The following FSTL5 variants were observed in gnomAD, a reference collection of about 807,000 sequenced individuals.
FSTL5 encodes follistatin like 5.
FSTL5 carries 62 observed loss-of-function variants against 89.1 expected under a neutral mutation model. That is an observed-to-expected ratio of 0.70 (90% CI 0.57 to 0.86). The LOEUF (loss-of-function observed/expected upper bound fraction) is 0.86. Among genes scored for constraint, FSTL5 ranks in the 40% least tolerant of loss-of-function variants. The pLI is 0.00. For missense variants in FSTL5, 1,057 were observed against 1,001.6 expected (o/e 1.06, Z -0.75); for synonymous variants, 383 against 346.2 (o/e 1.11, Z -1.18).
At chr4:161,551,427 G>A (rs1732208546) in intron 8 of FSTL5, among the ~76,000 whole-genome samples, 1 of 151,248 alleles carries the variant, frequency 6.6e-6, no homozygotes, top group Admixed American at 6.6e-5. Flanking sequence ...TTTTTGATGG[G>A]GTTGTTTGTT....
chr4:161,917,870 T>G (rs1229594236), intron 4 of FSTL5, among the ~76,000 whole-genome samples: 1 of 152,192 alleles, frequency 6.6e-6, no homozygotes, highest in Non-Finnish European at 1.5e-5. Flanking sequence ...AAAAATAGAT[T>G]GTGACCTGGA....
intron 6 of FSTL5, among the ~76,000 whole-genome samples, chr4:161,705,952 GTATATATA>G (rs1206067350): frequency 1.3e-4 from 4 of 30,672 alleles, no homozygotes; most frequent in African/African-American, 5.9e-4. Context: ...GTAGATGTGT[GTATATATA>G]TATATATATA....
At chr4:161,900,249 A>C (rs1307081674) in intron 4 of FSTL5, among the ~76,000 whole-genome samples, 1 of 152,094 alleles carries the variant, frequency 6.6e-6, no homozygotes, top group Non-Finnish European at 1.5e-5. Context: ...CTGAACAAGC[A>C]TGTAATGCTG....
At position 161,530,529 on chromosome 4, in the gene FSTL5, C is replaced by T. The variant is rs183956956; in HGVS notation, c.1312+7637G>A. Reference sequence around the variant, plus strand: ...TCAAAATATTAATTTTTTAGAAATACAGCCAACTAATGTTAATTTATTGGA... The same window carrying T: ...TCAAAATATTAATTTTTTAGAAATATAGCCAACTAATGTTAATTTATTGGA... On this transcript the variant is annotated intron_variant, in intron 10 of 15. Transcript: ENST00000306100. Among the ~76,000 whole-genome samples, 166 of 151,826 alleles carry T rather than the reference C, an allele frequency of 1.1e-3. 7 individuals are homozygous for T. Among genetic ancestry groups the T allele is most frequent in the African/African-American group, 3.8e-3 (159 of 41,472 alleles).
chr4:162,114,781 C>T (rs1474672756), intron 1 of FSTL5, among the ~76,000 whole-genome samples: 1 of 152,060 alleles, frequency 6.6e-6, no homozygotes, highest in Non-Finnish European at 1.5e-5. Context: ...ACAAATAAGT[C>T]AGTGTGTAAA....
intron 3 of FSTL5, among the ~76,000 whole-genome samples, chr4:161,967,787 G>T (rs1296508812): frequency 1.3e-5 from 2 of 151,820 alleles, no homozygotes; most frequent in Non-Finnish European, 2.9e-5. Context: ...TAAAATAAAA[G>T]TTCACATATT....
At chr4:162,005,552 CAG>C (rs1284577848) in intron 3 of FSTL5, among the ~76,000 whole-genome samples, 2 of 151,990 alleles carry the variant, frequency 1.3e-5, no homozygotes, top group Non-Finnish European at 2.9e-5. Flanking sequence ...CAAGAAAATT[CAG>C]AGTTGGAGAG....
At chr4:161,909,190 T>C (rs1733621892) in intron 4 of FSTL5, among the ~76,000 whole-genome samples, 1 of 152,110 alleles carries the variant, frequency 6.6e-6, no homozygotes, top group African/African-American at 2.4e-5. Flanking sequence ...GGAGTCCATT[T>C]TGGTCCATAC....
At chr4:161,704,709 T>C (rs1358627080) in intron 6 of FSTL5, among the ~76,000 whole-genome samples, 1 of 152,124 alleles carries the variant, frequency 6.6e-6, no homozygotes, top group Non-Finnish European at 1.5e-5. Context: ...CTAAGCAGTT[T>C]AAAGATTAAA....
chr4:161,945,201 CAAATACTACTTATACT>C (rs1245485215), intron 3 of FSTL5, among the ~76,000 whole-genome samples: 2 of 151,960 alleles, frequency 1.3e-5, no homozygotes, highest in East Asian at 3.9e-4. Flanking sequence ...ACTGCCCAGA[CAAATACTACTTATACT>C]AAATTTCAGG....
At chr4:161,566,332 C>A (rs562592902) in intron 8 of FSTL5, among the ~76,000 whole-genome samples, 1 of 151,224 alleles carries the variant, frequency 6.6e-6, no homozygotes, top group Non-Finnish European at 1.5e-5. Context: ...GTATATGTAC[C>A]GCATTTTCTT....
intron 2 of FSTL5, among the ~76,000 whole-genome samples, chr4:162,103,814 C>T (rs1022413934): frequency 6.6e-6 from 1 of 152,120 alleles, no homozygotes; most frequent in African/African-American, 2.4e-5. Flanking sequence ...AGCTCACACC[C>T]GACCAATCAG....
chr4:162,105,444 C>T (rs1731186701), intron 2 of FSTL5, among the ~76,000 whole-genome samples: 3 of 152,012 alleles, frequency 2.0e-5, no homozygotes, highest in Admixed American at 2.0e-4. Flanking sequence ...TTCATTTTTC[C>T]CATTTATAAA....
At chr4:162,058,943 GA>G (rs1295575671) in intron 2 of FSTL5, among the ~76,000 whole-genome samples, 1 of 152,026 alleles carries the variant, frequency 6.6e-6, no homozygotes, top group African/African-American at 2.4e-5. Flanking sequence ...TAATTGTATT[GA>G]AAATGTGAAT....
intron 1 of FSTL5, among the ~76,000 whole-genome samples, chr4:162,130,816 G>A (rs931740770): frequency 6.6e-6 from 1 of 152,124 alleles, no homozygotes; most frequent in Admixed American, 6.5e-5. Context: ...TATTCATGAT[G>A]ACCAAAAATC....
At chr4:161,665,485 G>A (rs909085995) in intron 6 of FSTL5, among the ~76,000 whole-genome samples, 7 of 151,972 alleles carry the variant, frequency 4.6e-5, no homozygotes, top group Non-Finnish European at 5.9e-5. Context: ...TCCCCGCCTC[G>A]GCCTCCCAAA....
chr4:161,393,008 A>G (rs561610530), intron 15 of FSTL5, among the ~76,000 whole-genome samples: 4 of 152,114 alleles, frequency 2.6e-5, no homozygotes, highest in Admixed American at 6.5e-5. Flanking sequence ...TATTAAATAT[A>G]CAAAAATTAG....
At chr4:162,016,826 A>C (rs1030175213) in intron 3 of FSTL5, among the ~76,000 whole-genome samples, 1 of 152,166 alleles carries the variant, frequency 6.6e-6, no homozygotes, top group Admixed American at 6.5e-5. Context: ...ATAGATTGTC[A>C]AATTTGGAGG....
At chr4:162,106,117 C>A (rs1253911937) in intron 2 of FSTL5, among the ~76,000 whole-genome samples, 1 of 152,110 alleles carries the variant, frequency 6.6e-6, no homozygotes, top group Non-Finnish European at 1.5e-5. Flanking sequence ...TAAATAGCAA[C>A]CCTCTTAGGA....
Sources: gnomAD v4.1 joint callset for allele counts (sites outside exome capture counted in the v4.1 genomes callset) on GRCh38, gnomAD v4.1.1 for gene constraint, MANE v1.5 for transcripts, NCBI Gene and HGNC (gene_info 2026-07-23, HGNC 2026-07-21) for gene names.